Variants in RUNX1T1 observed in about 807,000 individuals in gnomAD.
The protein encoded by RUNX1T1 is RUNX1 partner transcriptional co-repressor 1, also known as protein CBFA2T1.
RUNX1T1 carries 4 observed loss-of-function variants against 62.8 expected under a neutral mutation model. The observed-to-expected ratio is 0.06, with a 90% confidence interval of 0.03 to 0.15. RUNX1T1 has a LOEUF of 0.15. Among genes scored for constraint, RUNX1T1 ranks in the 10% least tolerant of loss-of-function variants. RUNX1T1 has a pLI of 1.00. For missense variants in RUNX1T1, 508 were observed against 754.3 expected (o/e 0.67, Z 3.82); for synonymous variants, 291 against 286.0 (o/e 1.02, Z -0.18).
intron 1 of RUNX1T1, among the ~76,000 whole-genome samples, chr8:92,027,115 CAA>C (rs71563484): frequency 1.3e-5 from 1 of 74,188 alleles, no homozygotes. Flanking sequence ...AACTCCGTCT[CAA>C]AAAAAAAAAA....
At chr8:91,965,947 T>A (rs1811509775) in intron 10 of RUNX1T1, among the ~76,000 whole-genome samples, 1 of 151,880 alleles carries the variant, frequency 6.6e-6, no homozygotes, top group South Asian at 2.1e-4. Context: ...CATTGGCACC[T>A]CTCCACCACC....
chr8:92,032,018 G>A (rs1400123645), intron 1 of RUNX1T1, among the ~76,000 whole-genome samples: 2 of 150,294 alleles, frequency 1.3e-5, no homozygotes, highest in East Asian at 3.9e-4. Flanking sequence ...TTTTGAACCT[G>A]GGAGGCAGAA....
intron 1 of RUNX1T1, among the ~76,000 whole-genome samples, chr8:92,048,367 CG>C (rs938959226): frequency 4.2e-4 from 64 of 152,034 alleles, no homozygotes; most frequent in African/African-American, 1.5e-3. Context: ...AAGCTTGTTA[CG>C]GATTTTAATT....
chr8:92,025,764 G>A (rs1397360703), intron 1 of RUNX1T1, among the ~76,000 whole-genome samples: 2 of 152,126 alleles, frequency 1.3e-5, no homozygotes, highest in Non-Finnish European at 2.9e-5. Flanking sequence ...AATCATCTAT[G>A]TATCTCTTTT....
intron 1 of RUNX1T1, among the ~76,000 whole-genome samples, chr8:92,097,831 G>A (rs1837856810): frequency 6.6e-6 from 1 of 152,114 alleles, no homozygotes; most frequent in Non-Finnish European, 1.5e-5. Context: ...ATTCTCAAAT[G>A]GGAAGAATCC....
chr8:91,986,076 A>T (rs1816494397), intron 8 of RUNX1T1, 48 bp downstream of exon 9: 2 of 1,241,582 alleles, frequency 1.6e-6, no homozygotes, highest in Non-Finnish European at 1.2e-6. Context: ...CAGCATTAAC[A>T]GCATAAGAAA....
At chr8:92,043,885 G>A (rs945394666) in intron 1 of RUNX1T1, among the ~76,000 whole-genome samples, 5 of 151,366 alleles carry the variant, frequency 3.3e-5, no homozygotes, top group African/African-American at 1.2e-4. Context: ...GGCTGAGGCA[G>A]GAGAATCGCT....
chr8:92,069,859 C>T (rs1833420596), intron 2 of RUNX1T1, among the ~76,000 whole-genome samples: 1 of 152,128 alleles, frequency 6.6e-6, no homozygotes, highest in Admixed American at 6.5e-5. Context: ...ACTGCATATA[C>T]CATAATCTTA....
At chr8:92,096,882 A>C (rs1336200198) in intron 1 of RUNX1T1, among the ~76,000 whole-genome samples, 1 of 152,190 alleles carries the variant, frequency 6.6e-6, no homozygotes, top group Non-Finnish European at 1.5e-5. Flanking sequence ...GCCCTTTAGA[A>C]AATGAGGAGA....
upstream of RUNX1T1, among the ~76,000 whole-genome samples, chr8:92,064,928 A>G (rs1008415980): frequency 6.6e-6 from 1 of 152,136 alleles, no homozygotes; most frequent in African/African-American, 2.4e-5. Flanking sequence ...CTTTAAATTG[A>G]TCCACATCAA....
chr8:91,969,093 T>C (rs1812240701), intron 10 of RUNX1T1, among the ~76,000 whole-genome samples: 1 of 151,958 alleles, frequency 6.6e-6, no homozygotes, highest in South Asian at 2.1e-4. Context: ...AGAAAAACAA[T>C]TATTACAGAA....
intron 1 of RUNX1T1, chr8:92,094,992 A>C: frequency 6.0e-6 from 9 of 1,488,566 alleles, no homozygotes; most frequent in East Asian, 2.5e-5. Context: ...GGCAAAACTA[A>C]ACCCAATTAA....
exon 11 of RUNX1T1, chr8:91,960,262 T>C (rs1226192464): frequency 6.2e-7 from 1 of 1,609,862 alleles, no homozygotes. Flanking sequence ...GTTGTCTCTA[T>C]GGTGGAAGGG....
chr8:92,011,147 CACAA>C (rs2131095754), intron 3 of RUNX1T1, 56 bp from the exon 5 acceptor site: 2 of 957,508 alleles, frequency 2.1e-6, no homozygotes, highest in Admixed American at 1.8e-5. Context: ...ATAGTAAAAA[CACAA>C]ACAAATTAAT....
At chr8:91,981,831 T>C (rs993022865) in intron 8 of RUNX1T1, among the ~76,000 whole-genome samples, 1 of 152,214 alleles carries the variant, frequency 6.6e-6, no homozygotes, top group African/African-American at 2.4e-5. Context: ...TGAAGGTATT[T>C]TTCTAAATTT....
upstream of RUNX1T1, among the ~76,000 whole-genome samples, chr8:92,101,248 G>T (rs1371112046): frequency 6.6e-6 from 1 of 152,236 alleles, no homozygotes; most frequent in Non-Finnish European, 1.5e-5. Flanking sequence ...ACCTTTATCA[G>T]GAGATAAATC....
intron 1 of RUNX1T1, among the ~76,000 whole-genome samples, chr8:92,060,358 C>CT (rs1831713152): frequency 6.6e-6 from 1 of 150,944 alleles, no homozygotes; most frequent in African/African-American, 2.4e-5. Flanking sequence ...TAAACTAAGA[C>CT]TTTTTTACTT....
intron 6 of RUNX1T1, among the ~76,000 whole-genome samples, chr8:91,990,518 T>G (rs766321927): frequency 6.6e-6 from 1 of 152,218 alleles, no homozygotes; most frequent in Admixed American, 6.5e-5. Context: ...AACCCTCTGA[T>G]ACACTATCAT....
intron 1 of RUNX1T1, among the ~76,000 whole-genome samples, chr8:92,050,569 T>C (rs1249709671): frequency 6.6e-6 from 1 of 152,192 alleles, no homozygotes; most frequent in Non-Finnish European, 1.5e-5. Context: ...ATACGCTAAA[T>C]AACTGGTTAA....
Sources: allele counts gnomAD v4.1 joint callset (sites outside exome capture counted in the v4.1 genomes callset), GRCh38; gene constraint gnomAD v4.1.1; transcripts MANE v1.5; gene names NCBI Gene and HGNC (gene_info 2026-07-23, HGNC 2026-07-21).